Variants in BLZF1 observed in about 807,000 individuals in gnomAD.
BLZF1 encodes the protein golgin-45.
Under a neutral mutation model 43.8 loss-of-function variants are expected in BLZF1, and 39 were observed. That is an observed-to-expected ratio of 0.89 (90% CI 0.69 to 1.16). The LOEUF (loss-of-function observed/expected upper bound fraction) is 1.16. BLZF1 is among the 50% of genes most tolerant of loss of function. The pLI, the probability that BLZF1 is intolerant of heterozygous loss-of-function variation, is 0.00. For missense variants in BLZF1, 449 were observed against 469.8 expected (o/e 0.96, Z 0.41); for synonymous variants, 136 against 159.4 (o/e 0.85, Z 1.11).
chr1:169,384,128 C>T (rs1654603567), intron 6 of BLZF1, among the ~76,000 whole-genome samples: 1 of 152,078 alleles, frequency 6.6e-6, no homozygotes, highest in South Asian at 2.1e-4. Flanking sequence ...CCTGTATTCC[C>T]TATCTTGATG....
At chr1:169,386,055 A>T (rs1654658373) in intron 6 of BLZF1, among the ~76,000 whole-genome samples, 1 of 152,210 alleles carries the variant, frequency 6.6e-6, no homozygotes, top group Non-Finnish European at 1.5e-5. Context: ...CAGGCACGTT[A>T]TCCCTGCCCT....
At chr1:169,376,261 A>C (rs1654339371) in intron 2 of BLZF1, among the ~76,000 whole-genome samples, 1 of 152,124 alleles carries the variant, frequency 6.6e-6, no homozygotes, top group South Asian at 2.1e-4. Context: ...AAATTAGGAA[A>C]TAGAGATTCA....
chr1:169,395,002 A>C (rs1289985302), intron 7 of BLZF1: 33 of 1,524,028 alleles, frequency 2.2e-5, no homozygotes, highest in Non-Finnish European at 2.7e-5. Flanking sequence ...AATCATATCC[A>C]AAATTTTGAT....
In BLZF1 at chr1:169,378,475, T is replaced by C. The variant is rs745529119; in HGVS notation, c.614T>C (p.Leu205Ser). The stretch of plus-strand genomic sequence containing the variant: ...AACACAGCTCAGCTTTCTGAACAGT[T>C]AGAACGTATGTCAATACAGTGTGAT... ...GRNTAQLSEQ[L>S]ERMSIQCDVW... The change falls in exon 4 of 7, where the codon TTA becomes TCA. Residue 205 changes from leucine to serine, a missense_variant. Coordinates refer to ENST00000367808, the MANE Select transcript of BLZF1 (RefSeq NM_001320973.2). 2.3e-5 allele frequency: 37 copies of C among 1,612,820 alleles called. No homozygotes were observed. In the East Asian group the frequency reaches 8.2e-4, roughly 36 times the overall value.
chr1:169,384,613 A>G (rs1469740439), intron 6 of BLZF1, among the ~76,000 whole-genome samples: 1 of 152,176 alleles, frequency 6.6e-6, no homozygotes, highest in Non-Finnish European at 1.5e-5. Flanking sequence ...ACCACTTTTC[A>G]TGATGCACAT....
intron 6 of BLZF1, among the ~76,000 whole-genome samples, chr1:169,383,236 T>C (rs1654575718): frequency 6.6e-6 from 1 of 152,192 alleles, no homozygotes; most frequent in Admixed American, 6.5e-5. Flanking sequence ...GAAGGTTTCA[T>C]TAGATATCTA....
Position 169,382,189 on chromosome 1 carries a change from C to T in BLZF1, c.925C>T (p.His309Tyr). The T allele has an allele frequency of 6.2e-7, 1 of 1,613,746 alleles. No homozygotes were observed. The highest frequency in any genetic ancestry group is 8.5e-7 in the Non-Finnish European group (1 of 1,179,720). Residue 309 changes from histidine (H) to tyrosine (Y), a missense_variant, in exon 6 of 7, where the codon CAT (histidine) becomes TAT (tyrosine). Coordinates refer to ENST00000367808, the MANE Select transcript of BLZF1 (RefSeq NM_001320973.2). ...CAAGTTGGCAAAAGCAGTAAATTCT[C>T]ATCTTCTGGGAAATGTTGGCATTAA... is the stretch of plus-strand genomic sequence containing the variant. The part of the protein sequence containing the change: ...NHKLAKAVNS[H>Y]LLGNVGINNQ...
In BLZF1 at chr1:169,372,219, T is replaced by C. The variant is rs201325792; in HGVS notation, c.28+2669T>C. Among the ~76,000 whole-genome samples the C allele has an allele frequency of 6.0e-5, 8 of 132,510 alleles. No individual in the cohort carries two copies. In the Admixed American group the frequency reaches 6.3e-4, roughly 10 times the overall value. 86.9% of individuals were successfully genotyped at this position (132,510 alleles called of 152,430 possible). The stretch of plus-strand genomic sequence containing the variant: ...TGATATGGGTGACATTTAAAAAGAC[T>C]CTTGATTTAAAATTACCACATGACA... On this transcript the variant is annotated intron_variant, in intron 2 of 6. Coordinates refer to ENST00000367808, the MANE Select transcript of BLZF1 (RefSeq NM_001320973.2).
At chr1:169,393,194 A>G (rs1264449310), downstream of BLZF1, among the ~76,000 whole-genome samples, 1 of 152,126 alleles carries the variant, frequency 6.6e-6, no homozygotes, top group Non-Finnish European at 1.5e-5. Flanking sequence ...CAACCTAAAC[A>G]TCTGGTGTCA....
chr1:169,372,989 A>G (rs1012369698), intron 2 of BLZF1, among the ~76,000 whole-genome samples: 4 of 152,112 alleles, frequency 2.6e-5, no homozygotes, highest in African/African-American at 9.7e-5. Flanking sequence ...ATTGTTTTCA[A>G]TTATTGTTGT....
downstream of BLZF1, among the ~76,000 whole-genome samples, chr1:169,392,412 A>G (rs1654835680): frequency 6.6e-6 from 1 of 152,256 alleles, no homozygotes; most frequent in Admixed American, 6.5e-5. Context: ...ACAGATCAAT[A>G]GAATAGAATT....
intron 3 of BLZF1, among the ~76,000 whole-genome samples, chr1:169,378,113 AC>A (rs1217815654): frequency 6.6e-6 from 1 of 151,892 alleles, no homozygotes; most frequent in African/African-American, 2.4e-5. Context: ...TCAGTTTATT[AC>A]CACATGGACT....
chr1:169,372,705 T>A (rs1443921782), intron 2 of BLZF1, among the ~76,000 whole-genome samples: 1 of 152,156 alleles, frequency 6.6e-6, no homozygotes, highest in African/African-American at 2.4e-5. Context: ...TGAGTTAGAT[T>A]TCTTTTCACT....
intron 5 of BLZF1, 95 bp downstream of exon 5, chr1:169,380,704 G>C: frequency 2.1e-6 from 3 of 1,438,214 alleles, no homozygotes; most frequent in Non-Finnish European, 2.9e-6. Context: ...TTTTGTTTTG[G>C]GTGTGTCTAC....
At chr1:169,384,710 C>A (rs904941393) in intron 6 of BLZF1, among the ~76,000 whole-genome samples, 2 of 152,114 alleles carry the variant, frequency 1.3e-5, no homozygotes, top group East Asian at 3.8e-4. Context: ...ACCTCTGTAC[C>A]ACCTTTAAGA....
intron 2 of BLZF1, among the ~76,000 whole-genome samples, chr1:169,369,835 T>C (rs1014191745): frequency 2.0e-5 from 3 of 152,206 alleles, no homozygotes; most frequent in African/African-American, 7.2e-5. Flanking sequence ...AGATTACGAT[T>C]TAAATAAGAA....
Position 169,370,384 on chromosome 1 carries a change from T to C in BLZF1, c.28+834T>C, listed in dbSNP as rs116460651. The stretch of plus-strand genomic sequence containing the variant: ...CTAAATTGCTAAATACAGTAGTCAC[T>C]TTTTAGTCCTAGCTGATTTGTCCTC... On this transcript the variant is annotated intron_variant, in intron 2 of 6. Coordinates refer to ENST00000367808, the MANE Select transcript of BLZF1 (RefSeq NM_001320973.2). Among the ~76,000 whole-genome samples the C allele has an allele frequency of 2.0e-3, 300 of 152,272 alleles. 4 individuals carry two copies. The highest frequency in any genetic ancestry group is 7.0e-3 in the African/African-American group (292 of 41,566).
rs776031512 is a variant in BLZF1, at chr1:169,387,200, G to T, written c.*18G>T. ...CCCTTTAACAGTCAATATGTTGGAG[G>T]CATGCTAAGGTACTTCCTTATTACC... On this transcript the variant is annotated 3_prime_UTR_variant, in exon 7 of 7. Coordinates refer to ENST00000367808, the MANE Select transcript of BLZF1 (RefSeq NM_001320973.2). 6.2e-7 allele frequency: 1 copy of T among 1,604,982 alleles called. No individual in the cohort carries two copies. Among genetic ancestry groups the T allele is most frequent in the East Asian group, 2.2e-5 (1 of 44,628 alleles).
At chr1:169,372,324 A>G (rs962976774) in intron 2 of BLZF1, among the ~76,000 whole-genome samples, 1 of 152,182 alleles carries the variant, frequency 6.6e-6, no homozygotes, top group Non-Finnish European at 1.5e-5. Flanking sequence ...CAAGTTAGGA[A>G]TTAATGATTT....
Sources: gnomAD v4.1 joint callset for allele counts (sites outside exome capture counted in the v4.1 genomes callset) on GRCh38, gnomAD v4.1.1 for gene constraint, MANE v1.5 for transcripts, NCBI Gene and HGNC (gene_info 2026-07-23, HGNC 2026-07-21) for gene names.